The following CTIF variants were observed in gnomAD, a reference collection of about 807,000 sequenced individuals.
CTIF encodes the protein CBP80/20-dependent translation initiation factor.
CTIF carries 21 observed loss-of-function variants against 66.0 expected under a neutral mutation model. That is an observed-to-expected ratio of 0.32 (90% CI 0.23 to 0.46). The LOEUF (loss-of-function observed/expected upper bound fraction) is 0.46. Ranked by LOEUF, CTIF falls within the 20% of genes least tolerant of loss-of-function variation. The pLI, the probability that CTIF is intolerant of heterozygous loss-of-function variation, is 1.00. For missense variants in CTIF, 739 were observed against 812.7 expected, an observed-to-expected ratio of 0.91 and a Z score of 1.10; for synonymous variants, 345 against 326.4, an observed-to-expected ratio of 1.06 and a Z score of -0.62.
intron 7 of CTIF, among the ~76,000 whole-genome samples, chr18:48,730,619 T>C (rs147476391): frequency 0.013 from 176 of 13,216 alleles, 16 homozygotes; most frequent in African/African-American, 0.047. Flanking sequence ...TGTGAGGGGC[T>C]CCTGCGGTGT....
Position 48,859,623 on chromosome 18 carries a change from A to T in CTIF, c.*64A>T. 6 of 1,491,082 alleles carry T rather than the reference A, an allele frequency of 4.0e-6. No individual in the cohort carries two copies. Among genetic ancestry groups the T allele is most frequent in the Non-Finnish European group, 5.6e-6 (6 of 1,069,456 alleles). The allele number at this position is 1,491,082 out of a possible 1,614,324, so 92.4% of individuals were successfully genotyped here. A position where few individuals can be genotyped will look rare whatever the true frequency, so the allele number is the denominator to read the frequency against. ...GGCCCTGGTGCACAGGGCCAGATGG[A>T]CAGGCGGGAGGACAGGGGTGGCCCT... is the stretch of plus-strand genomic sequence containing the variant. On this transcript the variant is annotated 3_prime_UTR_variant, in exon 12 of 12. Coordinates refer to ENST00000256413, the MANE Select transcript of CTIF (RefSeq NM_014772.3).
chr18:48,615,903 C>G (rs1320262789), intron 1 of CTIF, among the ~76,000 whole-genome samples: 2 of 152,228 alleles, frequency 1.3e-5, no homozygotes, highest in Non-Finnish European at 2.9e-5. Flanking sequence ...AGCGAGTCCT[C>G]TTCCTTCCTC....
At chr18:48,620,720 G>C (rs920676720) in intron 2 of CTIF, among the ~76,000 whole-genome samples, 4 of 152,216 alleles carry the variant, frequency 2.6e-5, no homozygotes, top group African/African-American at 9.6e-5. Context: ...TCTCGTGCGT[G>C]TTATCCCATC....
At chr18:48,603,711 T>C (rs2090149810) in intron 1 of CTIF, among the ~76,000 whole-genome samples, 1 of 151,908 alleles carries the variant, frequency 6.6e-6, no homozygotes, top group Non-Finnish European at 1.5e-5. Context: ...GATGAATAGA[T>C]ATAGATGGGT....
At chr18:48,824,346 G>C (rs1360834313) in intron 10 of CTIF, among the ~76,000 whole-genome samples, 1 of 148,894 alleles carries the variant, frequency 6.7e-6, no homozygotes, top group African/African-American at 2.5e-5. Context: ...ACACAGGAGG[G>C]GTGCAATTAT....
At chr18:48,794,338 C>T (rs751908594) in intron 9 of CTIF, among the ~76,000 whole-genome samples, 6 of 152,174 alleles carry the variant, frequency 3.9e-5, no homozygotes, top group African/African-American at 7.2e-5. Context: ...AGTGAGGGTT[C>T]GGCACAGCAG....
At chr18:48,604,367 A>G (rs922292004) in intron 1 of CTIF, among the ~76,000 whole-genome samples, 20 of 150,578 alleles carry the variant, frequency 1.3e-4, no homozygotes, top group Non-Finnish European at 2.1e-4. Flanking sequence ...TTTAGTAGAG[A>G]CGGGGTTTCA....
chr18:48,805,429 C>CG (rs1288169831), intron 9 of CTIF, among the ~76,000 whole-genome samples: 2 of 147,100 alleles, frequency 1.4e-5, no homozygotes, highest in African/African-American at 2.5e-5. Context: ...GAAAGCCTGC[C>CG]GGGGGGATTG....
At chr18:48,624,116 C>T (rs2090550596) in intron 2 of CTIF, among the ~76,000 whole-genome samples, 2 of 148,508 alleles carry the variant, frequency 1.3e-5, no homozygotes, top group Non-Finnish European at 3.0e-5. Context: ...CACCACACCC[C>T]TCCCCATGCT....
At chr18:48,750,778 A>C (rs1246444279) in intron 7 of CTIF, among the ~76,000 whole-genome samples, 1 of 152,058 alleles carries the variant, frequency 6.6e-6, no homozygotes, top group Non-Finnish European at 1.5e-5. Context: ...TCTGCACCAC[A>C]CGCTGCCATA....
At chr18:48,546,055 G>C (rs543997395) in intron 1 of CTIF, among the ~76,000 whole-genome samples, 2 of 152,190 alleles carry the variant, frequency 1.3e-5, no homozygotes, top group Non-Finnish European at 2.9e-5. Flanking sequence ...GCCCCTTGGA[G>C]TGTACAGAGT....
At chr18:48,749,783 A>T (rs574688357) in intron 7 of CTIF, among the ~76,000 whole-genome samples, 1 of 152,266 alleles carries the variant, frequency 6.6e-6, no homozygotes, top group Non-Finnish European at 1.5e-5. Context: ...AACTCTGGGG[A>T]TCTGGCTCCA....
chr18:48,770,691 C>T (rs536588093), intron 9 of CTIF, among the ~76,000 whole-genome samples: 21 of 152,402 alleles, frequency 1.4e-4, no homozygotes, highest in African/African-American at 4.6e-4. Flanking sequence ...GAGGCAGCAA[C>T]GCTGAGGCCT....
intron 10 of CTIF, among the ~76,000 whole-genome samples, chr18:48,833,216 G>A (rs1317187006): frequency 6.6e-6 from 1 of 152,190 alleles, no homozygotes; most frequent in Non-Finnish European, 1.5e-5. Context: ...TAGATGAGGT[G>A]CGGCTGGCTG....
At chr18:48,646,979 T>C (rs2091049574) in intron 3 of CTIF, among the ~76,000 whole-genome samples, 1 of 151,674 alleles carries the variant, frequency 6.6e-6, no homozygotes, top group Non-Finnish European at 1.5e-5. Context: ...CCTGGGTGTT[T>C]ATCCCAGAGC....
intron 7 of CTIF, among the ~76,000 whole-genome samples, chr18:48,730,954 G>T (rs1213435793): frequency 6.6e-6 from 1 of 152,130 alleles, no homozygotes; most frequent in Non-Finnish European, 1.5e-5. Context: ...CCCTGCTCTG[G>T]GGAAACTCTC....
chr18:48,832,919 A>G (rs1247876127), intron 10 of CTIF, among the ~76,000 whole-genome samples: 1 of 152,228 alleles, frequency 6.6e-6, no homozygotes, highest in Non-Finnish European at 1.5e-5. Flanking sequence ...CCTGATAGTC[A>G]GGAAGTGCTG....
chr18:48,797,258 A>C (rs910407795), intron 9 of CTIF, among the ~76,000 whole-genome samples: 5 of 152,180 alleles, frequency 3.3e-5, no homozygotes, highest in African/African-American at 9.7e-5. Flanking sequence ...CGAGGTGGGC[A>C]GATCACTTGA....
intron 10 of CTIF, among the ~76,000 whole-genome samples, chr18:48,833,514 T>C (rs763985377): frequency 4.6e-5 from 7 of 152,156 alleles, no homozygotes; most frequent in Non-Finnish European, 1.0e-4. Flanking sequence ...TCAGACTCCT[T>C]GGACGTTCCT....
Sources: allele counts gnomAD v4.1 joint callset (sites outside exome capture counted in the v4.1 genomes callset), GRCh38; gene constraint gnomAD v4.1.1; transcripts MANE v1.5; gene names NCBI Gene and HGNC (gene_info 2026-07-23, HGNC 2026-07-21).